The following USP9X variants were observed in gnomAD, a reference collection of about 807,000 sequenced individuals.
USP9X encodes the protein ubiquitin carboxyl-terminal hydrolase 9X.
In USP9X, 7 loss-of-function variants were observed where a neutral mutation model predicts 190.3. The observed-to-expected ratio is 0.04, with a 90% CI of 0.02 to 0.07. The LOEUF (loss-of-function observed/expected upper bound fraction) is 0.07. Ranked by LOEUF, USP9X falls within the 10% of genes least tolerant of loss-of-function variation. The probability of loss-of-function intolerance (pLI) is 1.00; values close to 1 mark genes in which losing one functional copy is unlikely to be tolerated. For synonymous variants in USP9X, 645 were observed against 659.5 expected (o/e 0.98, Z 0.34); for missense variants, 1,010 against 1,916.9 (o/e 0.53, Z 8.83).
chrX:41,206,014 C>T (rs952760977), intron 32 of USP9X, among the ~76,000 whole-genome samples: 1 of 108,634 alleles, frequency 9.2e-6, no homozygotes, highest in Non-Finnish European at 1.9e-5. Context: ...CCTCAGCCTC[C>T]CAAGTAGCTG....
chrX:41,230,587 G>A lies in USP9X; in HGVS notation c.7518G>A (p.Gln2506=), dbSNP rs751875257. ...APLYPHSPGS[Q]YQQNNHVHGQ... Reference sequence around the variant, plus strand: ...TGTACCCCCATTCACCTGGATCTCAGTATCAACAGGTAAACAGGAGTCAGT... The same window carrying A: ...TGTACCCCCATTCACCTGGATCTCAATATCAACAGGTAAACAGGAGTCAGT... The change falls in exon 44 of 45, where the codon CAG becomes CAA. Residue 2506 remains glutamine, a synonymous_variant. Transcript: ENST00000378308. 70 of 1,203,658 alleles carry A rather than the reference G, an allele frequency of 5.8e-5. No homozygotes were observed. The highest frequency in any genetic ancestry group is 8.8e-5 in the Admixed American group (4 of 45,295).
intron 26 of USP9X, among the ~76,000 whole-genome samples, chrX:41,190,708 G>A (rs755483651): frequency 9.0e-6 from 1 of 111,325 alleles, no homozygotes; most frequent in African/African-American, 3.3e-5. Flanking sequence ...TAACTATTAA[G>A]GAACTTGATT....
At chrX:41,193,084 A>G (rs1028435369) in intron 26 of USP9X, among the ~76,000 whole-genome samples, 1 of 111,177 alleles carries the variant, frequency 9.0e-6, no homozygotes, top group African/African-American at 3.3e-5. Context: ...TGTCAGGAAC[A>G]TGCCTGACAT....
At chrX:41,169,954 C>A in intron 18 of USP9X, 41 bp from the exon 19 acceptor site, 1 of 1,200,136 alleles carries the variant, frequency 8.3e-7, no homozygotes, top group South Asian at 1.8e-5. Context: ...ATTTCAGAGT[C>A]TGCTGAATAT....
intron 18 of USP9X, among the ~76,000 whole-genome samples, chrX:41,168,632 A>G (rs2062698317): frequency 8.9e-6 from 1 of 112,165 alleles, no homozygotes; most frequent in East Asian, 2.8e-4. Context: ...AGCTGGGGCT[A>G]CAGGCACAGG....
chrX:41,193,312 A>G (rs1378934381), intron 26 of USP9X, among the ~76,000 whole-genome samples: 2 of 111,632 alleles, frequency 1.8e-5, no homozygotes, highest in African/African-American at 6.5e-5. Flanking sequence ...TATTCTGGTT[A>G]AGAATAGTAT....
intron 1 of USP9X, among the ~76,000 whole-genome samples, chrX:41,115,544 TTTGA>T (rs1412431349): frequency 8.9e-6 from 1 of 112,301 alleles, no homozygotes; most frequent in Non-Finnish European, 1.9e-5. Context: ...CTCATTTCAC[TTTGA>T]TGTCCAGTAA....
chrX:41,106,168 C>T (rs187120481), intron 1 of USP9X, among the ~76,000 whole-genome samples: 123 of 111,545 alleles, frequency 1.1e-3, no homozygotes, highest in African/African-American at 3.4e-3. Context: ...TTTTGTTGCT[C>T]CTGCTTTTGG....
intron 30 of USP9X, among the ~76,000 whole-genome samples, chrX:41,200,368 T>C (rs942136898): frequency 8.9e-6 from 1 of 112,035 alleles, no homozygotes; most frequent in Non-Finnish European, 1.9e-5. Context: ...TGGTATGATA[T>C]AATTAACTGG....
chrX:41,181,435 CTT>C (rs200403625), intron 21 of USP9X, among the ~76,000 whole-genome samples: 26 of 38,555 alleles, frequency 6.7e-4, no homozygotes, highest in African/African-American at 2.2e-3. Context: ...CCACACCTGA[CTT>C]TTTTTTTTTT....
At chrX:41,116,840 G>A (rs1436012684) in intron 1 of USP9X, among the ~76,000 whole-genome samples, 1 of 111,878 alleles carries the variant, frequency 8.9e-6, no homozygotes, top group Non-Finnish European at 1.9e-5. Flanking sequence ...GAGAGAGGTT[G>A]TTACTTTCTT....
chrX:41,135,194 C>T (rs758788015), intron 5 of USP9X, among the ~76,000 whole-genome samples: 1 of 110,800 alleles, frequency 9.0e-6, no homozygotes, highest in South Asian at 3.8e-4. Flanking sequence ...TGGGGCATTT[C>T]ATATACGTCT....
chrX:41,175,485 T>C (rs940230125), intron 21 of USP9X, among the ~76,000 whole-genome samples: 7 of 110,211 alleles, frequency 6.4e-5, no homozygotes, highest in Non-Finnish European at 1.3e-4. Flanking sequence ...ATCAAGCCAC[T>C]GTACTCCAGC....
intron 6 of USP9X, among the ~76,000 whole-genome samples, chrX:41,137,891 T>C (rs2062389419): frequency 9.0e-6 from 1 of 111,117 alleles, no homozygotes; most frequent in Admixed American, 9.6e-5. Flanking sequence ...CTTTTTTTTT[T>C]TCTCTATGTG....
At chrX:41,221,642 G>A (rs1450572854) in intron 38 of USP9X, among the ~76,000 whole-genome samples, 2 of 111,532 alleles carry the variant, frequency 1.8e-5, no homozygotes, top group Non-Finnish European at 3.8e-5. Context: ...GATGGGAATG[G>A]CAGGAGTTTC....
intron 1 of USP9X, among the ~76,000 whole-genome samples, chrX:41,091,431 GT>G (rs1174139384): frequency 1.8e-5 from 2 of 111,665 alleles, no homozygotes; most frequent in African/African-American, 6.5e-5. Flanking sequence ...TATACAGTGT[GT>G]TTTTCTATTT....
rs1307685163 is a variant in USP9X at position 41,233,101 on chromosome X, C to A, written c.*577C>A. 3 of 112,078 alleles carry A rather than the reference C, an allele frequency of 2.7e-5. No homozygotes were observed. Among genetic ancestry groups the A allele is most frequent in the African/African-American group, 9.7e-5 (3 of 30,842 alleles). The allele number at this position is 112,078 out of a possible 1,213,427, so 9.2% of individuals were successfully genotyped here. ...GAAAATTGGTGATGTAACACTGTTTCTAGATTTTTTTCATTGCCTTTTTAT... is the reference window on the plus strand; with the variant it reads ...GAAAATTGGTGATGTAACACTGTTTATAGATTTTTTTCATTGCCTTTTTAT... On this transcript the variant is annotated 3_prime_UTR_variant, in exon 45 of 45. Coordinates refer to ENST00000378308, the MANE Select transcript of USP9X (RefSeq NM_001039591.3).
At chrX:41,120,789 C>T (rs865995799) in intron 1 of USP9X, among the ~76,000 whole-genome samples, 6 of 109,691 alleles carry the variant, frequency 5.5e-5, no homozygotes, top group Non-Finnish European at 1.1e-4. Flanking sequence ...TGAGCTACCG[C>T]GCCCAGCCAA....
intron 5 of USP9X, among the ~76,000 whole-genome samples, chrX:41,135,317 A>T (rs1286328003): frequency 2.8e-5 from 3 of 106,915 alleles, no homozygotes; most frequent in Non-Finnish European, 3.9e-5. Context: ...GGGAGGGATT[A>T]AAAAAAAAAG....
Sources: gnomAD v4.1 joint callset for allele counts (sites outside exome capture counted in the v4.1 genomes callset) on GRCh38, gnomAD v4.1.1 for gene constraint, MANE v1.5 for transcripts, NCBI Gene and HGNC (gene_info 2026-07-23, HGNC 2026-07-21) for gene names.